The following MICU1 variants were observed in gnomAD, a reference collection of about 807,000 sequenced individuals.
MICU1 encodes mitochondrial calcium uptake 1.
A neutral mutation model predicts 56.8 loss-of-function variants in MICU1; 45 were observed. That is an observed-to-expected ratio of 0.79 (90% confidence interval 0.62 to 1.02). The LOEUF (loss-of-function observed/expected upper bound fraction) is 1.02, where lower values mean the gene tolerates loss of function less well. MICU1 is among the 50% of genes least tolerant of loss of function. The pLI, the probability that MICU1 is intolerant of heterozygous loss-of-function variation, is 0.00. For missense variants in MICU1, 504 were observed against 587.1 expected (o/e 0.86, Z 1.46); for synonymous variants, 186 against 195.1 (o/e 0.95, Z 0.39).
intron 5 of MICU1, chr10:72,509,512 T>A: frequency 3.5e-6 from 3 of 859,032 alleles, no homozygotes; most frequent in Non-Finnish European, 5.0e-6. Context: ...ATCTTCTCAA[T>A]AAACTCATTC....
chr10:72,525,773 C>A (rs1867944305), intron 5 of MICU1, among the ~76,000 whole-genome samples: 1 of 152,124 alleles, frequency 6.6e-6, no homozygotes, highest in African/African-American at 2.4e-5. Context: ...GATACTTTAC[C>A]TATTGTCCCA....
intron 5 of MICU1, among the ~76,000 whole-genome samples, chr10:72,511,083 G>A (rs1867432813): frequency 6.6e-6 from 1 of 152,050 alleles, no homozygotes; most frequent in Non-Finnish European, 1.5e-5. Context: ...GCCTTTCTTT[G>A]TCCTTATTTT....
chr10:72,604,922 C>CG (rs1419339825), intron 1 of MICU1, among the ~76,000 whole-genome samples: 2 of 152,168 alleles, frequency 1.3e-5, no homozygotes, highest in Non-Finnish European at 2.9e-5. Context: ...CATGGCAACT[C>CG]TGTGCTTCCA....
chr10:72,590,627 T>C (rs1045190891), intron 1 of MICU1, among the ~76,000 whole-genome samples: 1 of 151,822 alleles, frequency 6.6e-6, no homozygotes, highest in Non-Finnish European at 1.5e-5. Context: ...TCCTGGCCAG[T>C]GTGGTGAAAC....
intron 8 of MICU1, among the ~76,000 whole-genome samples, chr10:72,456,202 AAC>A (rs1416036684): frequency 2.6e-5 from 4 of 152,184 alleles, no homozygotes; most frequent in African/African-American, 9.6e-5. Context: ...CAATGAGTCT[AAC>A]ACTATGATCC....
chr10:72,530,804 T>C (rs1839459225), intron 5 of MICU1, among the ~76,000 whole-genome samples: 2 of 152,210 alleles, frequency 1.3e-5, no homozygotes, highest in African/African-American at 2.4e-5. Context: ...GAAATAGTAA[T>C]GTCTTATTTA....
chr10:72,608,467 T>C (rs1182112988), intron 1 of MICU1, among the ~76,000 whole-genome samples: 1 of 152,154 alleles, frequency 6.6e-6, no homozygotes, highest in African/African-American at 2.4e-5. Context: ...GATGTACAAA[T>C]GGCCAATAAG....
At chr10:72,577,173 G>A (rs2132498689) in intron 1 of MICU1, among the ~76,000 whole-genome samples, 1 of 152,074 alleles carries the variant, frequency 6.6e-6, no homozygotes, top group Non-Finnish European at 1.5e-5. Flanking sequence ...TGGACTCTGG[G>A]GGCTCTGGGG....
chr10:72,542,562 C>T (rs540281679), intron 4 of MICU1, among the ~76,000 whole-genome samples: 29 of 152,158 alleles, frequency 1.9e-4, no homozygotes, highest in Non-Finnish European at 2.9e-4. Context: ...CAGGAGCAAA[C>T]GCCGTACGGG....
At chr10:72,377,657 G>A (rs118134058) in intron 10 of MICU1, among the ~76,000 whole-genome samples, 8 of 152,206 alleles carry the variant, frequency 5.3e-5, no homozygotes, top group Non-Finnish European at 1.0e-4. Context: ...TATAAATCAT[G>A]TTATTGCTTC....
intron 8 of MICU1, among the ~76,000 whole-genome samples, chr10:72,426,733 T>C (rs773615984): frequency 3.2e-4 from 48 of 152,248 alleles, no homozygotes; most frequent in Non-Finnish European, 6.6e-4. Flanking sequence ...CCAGTAAGTA[T>C]AACACAAATG....
At chr10:72,394,233 C>T (rs1863172722) in intron 10 of MICU1, among the ~76,000 whole-genome samples, 1 of 152,126 alleles carries the variant, frequency 6.6e-6, no homozygotes, top group African/African-American at 2.4e-5. Flanking sequence ...ATTATATCTG[C>T]AAAGACCCTG....
intron 8 of MICU1, among the ~76,000 whole-genome samples, chr10:72,424,237 C>T (rs1279297843): frequency 6.6e-6 from 1 of 151,996 alleles, no homozygotes; most frequent in African/African-American, 2.4e-5. Flanking sequence ...CTCAGCCTCC[C>T]GAGTAAATGG....
At position 72,603,028 on chromosome 10, in the gene MICU1, T is replaced by C. The variant is rs573123229; in HGVS notation, c.-2+22982A>G. 3.0e-3 allele frequency among the ~76,000 whole-genome samples: 455 copies of C among 152,016 alleles called. 2 individuals are homozygous for C. The highest frequency in any genetic ancestry group is 0.01 in the African/African-American group (428 of 41,464). ...CTACTCGGAGGCTGAGGCAGGAGAATGGCGTGAACCCAGAAGTCAGAGCAA... is the reference window on the plus strand; with the variant it reads ...CTACTCGGAGGCTGAGGCAGGAGAACGGCGTGAACCCAGAAGTCAGAGCAA... On this transcript the variant is annotated intron_variant, in intron 1 of 11. Coordinates refer to ENST00000361114, the MANE Select transcript of MICU1 (RefSeq NM_001195518.2).
At chr10:72,453,114 G>A (rs1015542776) in intron 8 of MICU1, among the ~76,000 whole-genome samples, 3 of 152,156 alleles carry the variant, frequency 2.0e-5, no homozygotes, top group Non-Finnish European at 4.4e-5. Flanking sequence ...AAATAAATGG[G>A]TTTAGTCTAC....
chr10:72,579,601 GT>G (rs200190790), intron 1 of MICU1, among the ~76,000 whole-genome samples: 17 of 148,266 alleles, frequency 1.1e-4, no homozygotes, highest in African/African-American at 2.1e-4. Context: ...TTAATAGTAT[GT>G]TTTTTTTTAC....
intron 1 of MICU1, among the ~76,000 whole-genome samples, chr10:72,584,157 T>G (rs2132512778): frequency 1.3e-5 from 2 of 152,348 alleles, no homozygotes; most frequent in Non-Finnish European, 2.9e-5. Context: ...CTTCACCTTC[T>G]GATACTCTCT....
intron 1 of MICU1, among the ~76,000 whole-genome samples, chr10:72,584,572 A>G (rs369035420): frequency 6.9e-6 from 1 of 144,148 alleles, no homozygotes; most frequent in Non-Finnish European, 1.5e-5. Context: ...TTTTTTTTGG[A>G]GACAGGGTCT....
chr10:72,603,386 C>T (rs369939486), intron 1 of MICU1, among the ~76,000 whole-genome samples: 43 of 129,648 alleles, frequency 3.3e-4, no homozygotes, highest in African/African-American at 1.2e-3. Context: ...GACTCTGTCT[C>T]AAAAAAAAAA....
Sources: gnomAD v4.1 joint callset for allele counts (sites outside exome capture counted in the v4.1 genomes callset) on GRCh38, gnomAD v4.1.1 for gene constraint, MANE v1.5 for transcripts, NCBI Gene and HGNC (gene_info 2026-07-23, HGNC 2026-07-21) for gene names.